Variants in ATP10B observed in about 807,000 individuals in gnomAD.
The protein encoded by ATP10B is ATPase phospholipid transporting 10B (putative).
A neutral mutation model predicts 141.2 loss-of-function variants in ATP10B; 122 were observed. That is an observed-to-expected ratio of 0.86 (90% CI 0.75 to 1.00). ATP10B has a LOEUF of 1.00. Among genes scored for constraint, ATP10B ranks in the 50% least tolerant of loss-of-function variants. ATP10B has a pLI of 0.00. For synonymous variants in ATP10B, 685 were observed against 692.0 expected (o/e 0.99, Z 0.16); for missense variants, 1,876 against 1,825.3 (o/e 1.03, Z -0.51).
chr5:160,735,949 T>G (rs1319849240), intron 2 of ATP10B, among the ~76,000 whole-genome samples: 1 of 151,948 alleles, frequency 6.6e-6, no homozygotes, highest in Middle Eastern at 3.2e-3. Context: ...CAAATGATAA[T>G]GGAAACACAA....
chr5:160,802,505 T>G (rs924715355), intron 1 of ATP10B, among the ~76,000 whole-genome samples: 1 of 152,134 alleles, frequency 6.6e-6, no homozygotes, highest in Non-Finnish European at 1.5e-5. Context: ...TGCGATATTG[T>G]TAAACATCTA....
chr5:160,814,204 G>C lies in ATP10B; in HGVS notation c.-575-28401C>G, dbSNP rs557673591. ...TACTCCGAGCTAAAGGAGGAAGTTC[G>C]AACCCATGGCAAAGAAGTTAAAAAC... On this transcript the variant is annotated intron_variant, in intron 1 of 25. Transcript: ENST00000327245. Among the ~76,000 whole-genome samples, 530 of 152,112 alleles carry C rather than the reference G, an allele frequency of 3.5e-3. 2 individuals carry two copies. Among genetic ancestry groups the C allele is most frequent in the African/African-American group, 0.012 (514 of 41,470 alleles).
At chr5:160,902,572 T>C in the ATP10B span, among the ~76,000 whole-genome samples, 1 of 152,102 alleles carries the variant, frequency 6.6e-6, no homozygotes, top group Non-Finnish European at 1.5e-5. Context: ...ATTCTTGAAG[T>C]CGGTTCTGAG....
chr5:160,741,517 G>T (rs951373819), intron 2 of ATP10B, among the ~76,000 whole-genome samples: 4 of 152,160 alleles, frequency 2.6e-5, no homozygotes, highest in African/African-American at 9.7e-5. Context: ...GGCTACAAGA[G>T]CTTATAGGGT....
intron 10 of ATP10B, among the ~76,000 whole-genome samples, chr5:160,639,555 T>A (rs367751987): frequency 2.7e-4 from 41 of 152,240 alleles, no homozygotes; most frequent in African/African-American, 9.6e-4. Flanking sequence ...GACTAAGGAC[T>A]ATAGGCAGCC....
At chr5:160,632,956 CAT>C (rs775669080) in intron 12 of ATP10B, 1 of 152,094 alleles carries the variant, frequency 6.6e-6, no homozygotes, top group Admixed American at 6.5e-5. Context: ...AGCCAACAAA[CAT>C]ATGAAAAAAA....
At chr5:160,792,766 C>A (rs1031464258) in intron 1 of ATP10B, among the ~76,000 whole-genome samples, 1 of 152,176 alleles carries the variant, frequency 6.6e-6, no homozygotes, top group African/African-American at 2.4e-5. Flanking sequence ...AGCAGTTTAC[C>A]TGTGCCTCAA....
At chr5:160,831,382 A>T (rs902249886) in intron 1 of ATP10B, among the ~76,000 whole-genome samples, 14 of 152,074 alleles carry the variant, frequency 9.2e-5, no homozygotes, top group African/African-American at 3.4e-4. Flanking sequence ...GGCAGAACAC[A>T]TTACCCCTAC....
At chr5:160,743,153 T>C (rs1437109014) in intron 2 of ATP10B, among the ~76,000 whole-genome samples, 1 of 152,176 alleles carries the variant, frequency 6.6e-6, no homozygotes. Flanking sequence ...GTAATAAAAC[T>C]GAAGCAGAGA....
intron 2 of ATP10B, among the ~76,000 whole-genome samples, chr5:160,774,161 G>A (rs888421248): frequency 6.0e-5 from 9 of 148,778 alleles, no homozygotes; most frequent in African/African-American, 2.2e-4. Context: ...ACCCCAGGAG[G>A]TGGACATACA....
the ATP10B span, among the ~76,000 whole-genome samples, chr5:160,894,122 C>A: frequency 6.6e-6 from 1 of 152,014 alleles, no homozygotes; most frequent in Non-Finnish European, 1.5e-5. Context: ...ATTGCATAAA[C>A]CAGAACGCGC....
At chr5:160,826,727 A>G (rs769632319) in intron 1 of ATP10B, among the ~76,000 whole-genome samples, 8 of 152,158 alleles carry the variant, frequency 5.3e-5, no homozygotes, top group Non-Finnish European at 1.0e-4. Context: ...GAATATTAAT[A>G]TTAAGACCCT....
chr5:160,723,619 A>G (rs1321181874), intron 2 of ATP10B, among the ~76,000 whole-genome samples: 2 of 151,896 alleles, frequency 1.3e-5, no homozygotes, highest in African/African-American at 4.8e-5. Flanking sequence ...TGTCATTCTT[A>G]TTTCTCTCTC....
intron 3 of ATP10B, among the ~76,000 whole-genome samples, chr5:160,705,739 T>A (rs1263339378): frequency 1.3e-5 from 2 of 152,240 alleles, no homozygotes; most frequent in Admixed American, 1.3e-4. Context: ...TTTCTTACCA[T>A]TTGTGTATTC....
chr5:160,637,685 T>C (rs904349305), intron 10 of ATP10B, among the ~76,000 whole-genome samples: 1 of 152,222 alleles, frequency 6.6e-6, no homozygotes, highest in African/African-American at 2.4e-5. Context: ...ATAGTAATAA[T>C]ACCTTCTCTA....
the ATP10B span, among the ~76,000 whole-genome samples, chr5:160,868,627 G>C: frequency 2.6e-5 from 4 of 151,068 alleles, no homozygotes; most frequent in Non-Finnish European, 5.9e-5. Flanking sequence ...TAAGCTCATA[G>C]AGAAAAGTCT....
At chr5:160,622,721 C>T in intron 13 of ATP10B, 136 bp from the exon 14 acceptor site, 1 of 772,272 alleles carries the variant, frequency 1.3e-6, no homozygotes, top group Non-Finnish European at 2.0e-6. Context: ...TCCCACAGGT[C>T]TGGCCATTGC....
chr5:160,909,428 G>A, the ATP10B span, among the ~76,000 whole-genome samples: 1 of 152,184 alleles, frequency 6.6e-6, no homozygotes, highest in African/African-American at 2.4e-5. Context: ...TCTCCATCAT[G>A]TATGCCATGG....
the ATP10B span, among the ~76,000 whole-genome samples, chr5:160,892,963 A>G: frequency 6.6e-6 from 1 of 152,184 alleles, no homozygotes; most frequent in African/African-American, 2.4e-5. Flanking sequence ...TCCTTCCCCT[A>G]GTCAAGGGAA....
Sources: allele counts gnomAD v4.1 joint callset (sites outside exome capture counted in the v4.1 genomes callset), GRCh38; gene constraint gnomAD v4.1.1; transcripts MANE v1.5; gene names NCBI Gene and HGNC (gene_info 2026-07-23, HGNC 2026-07-21).